The following NFATC1 variants were observed in gnomAD, a reference collection of about 807,000 sequenced individuals.
NFATC1 encodes the protein nuclear factor of activated T cells 1.
Under a neutral mutation model 76.0 loss-of-function variants are expected in NFATC1, and 22 were observed. The observed-to-expected ratio is 0.29, with a 90% CI of 0.21 to 0.41. The LOEUF is 0.41. NFATC1 is among the 10% of genes least tolerant of loss of function. NFATC1 has a pLI of 1.00. For synonymous variants in NFATC1, 704 were observed against 613.1 expected, an observed-to-expected ratio of 1.15 and a Z score of -2.19; for missense variants, 1,357 against 1,337.7, an observed-to-expected ratio of 1.01 and a Z score of -0.23.
At chr18:79,485,017 A>G (rs975167754) in intron 8 of NFATC1, among the ~76,000 whole-genome samples, 10 of 152,208 alleles carry the variant, frequency 6.6e-5, no homozygotes, top group Non-Finnish European at 1.0e-4. Context: ...GCCCGGGGCT[A>G]AATATTTTCT....
At chr18:79,427,392 TTG>T in intron 2 of NFATC1, among the ~76,000 whole-genome samples, 1 of 77,642 alleles carries the variant, frequency 1.3e-5, no homozygotes, top group Non-Finnish European at 2.3e-5. Flanking sequence ...GTGCAGTGGG[TTG>T]GGGGGAGCTG....
intron 8 of NFATC1, chr18:79,468,453 G>C (rs939329770): frequency 1.3e-5 from 2 of 152,128 alleles, no homozygotes; most frequent in Non-Finnish European, 2.9e-5. Flanking sequence ...ACTGTATTTT[G>C]GGTAAGCTTA....
rs371313217 is a variant in NFATC1, at chr18:79,490,770, A to C, written c.2782+3833A>C. On this transcript the variant is annotated intron_variant, in intron 9 of 9. Transcript: ENST00000427363. ...GGAGCATCCACCAACATGGCCGGGA[A>C]GGGTCCCGGGTCAGGGTTGAGTCTG... Among the ~76,000 whole-genome samples the C allele has an allele frequency of 1.2e-4, 19 of 152,222 alleles. No individual in the cohort carries two copies. The South Asian group carries it at 2.1e-3, about 17-fold the overall frequency.
chr18:79,423,690 G>A (rs1367086534), intron 2 of NFATC1, among the ~76,000 whole-genome samples: 10 of 152,146 alleles, frequency 6.6e-5, no homozygotes, highest in South Asian at 4.1e-4. Context: ...CAGGAGGGCC[G>A]GGCTGGGTGT....
intron 3 of NFATC1, among the ~76,000 whole-genome samples, chr18:79,445,885 G>A (rs975618537): frequency 1.6e-4 from 24 of 152,192 alleles, no homozygotes; most frequent in African/African-American, 5.1e-4. Context: ...TGAGTTCCAC[G>A]TTGAATAAAT....
intron 6 of NFATC1, among the ~76,000 whole-genome samples, chr18:79,460,614 C>A (rs562074990): frequency 6.6e-6 from 1 of 152,304 alleles, no homozygotes; most frequent in Admixed American, 6.5e-5. Context: ...CCAAAAATAC[C>A]TCGTGTTTTG....
At chr18:79,527,368 A>G (rs2090796160) in intron 9 of NFATC1, 160 bp from the exon 10 acceptor site, 6 of 616,138 alleles carry the variant, frequency 9.7e-6, no homozygotes, top group Non-Finnish European at 1.7e-5. Context: ...CTGGCTCACG[A>G]CACTCATGGA....
intron 3 of NFATC1, among the ~76,000 whole-genome samples, chr18:79,443,787 A>C (rs1011655324): frequency 9.8e-5 from 15 of 152,298 alleles, no homozygotes; most frequent in Admixed American, 7.2e-4. Flanking sequence ...TCCAGGCACA[A>C]GGCCCCTTCC....
chr18:79,413,777 C>T (rs1295983946), intron 2 of NFATC1, among the ~76,000 whole-genome samples: 1 of 152,210 alleles, frequency 6.6e-6, no homozygotes, highest in Non-Finnish European at 1.5e-5. Flanking sequence ...TTCTGGCAGG[C>T]ACAGCCCCTC....
chr18:79,454,559 G>T (rs2087606043), intron 6 of NFATC1, among the ~76,000 whole-genome samples: 1 of 152,220 alleles, frequency 6.6e-6, no homozygotes, highest in African/African-American at 2.4e-5. Flanking sequence ...CTCCAGCAGG[G>T]CAGGAGGAGG....
chr18:79,444,530 C>T (rs1370442947), intron 3 of NFATC1, among the ~76,000 whole-genome samples: 1 of 152,100 alleles, frequency 6.6e-6, no homozygotes, highest in African/African-American at 2.4e-5. Context: ...CAGGCCCTTT[C>T]CCGCATCTGA....
At position 79,486,445 on chromosome 18, in the gene NFATC1, G is replaced by T. The variant is rs145230460; in HGVS notation, c.2290G>T (p.Val764Leu). ...RSTLMPAAPG[V>L]SPKLHDLSPA... ...CACCCTGATGCCAGCGGCCCCTGGC[G>T]TGAGCCCCAAGCTCCACGACCTTTC... The change falls in exon 9 of 10, where the codon GTG becomes TTG. Residue 764 changes from valine to leucine, a missense_variant. Physicochemically the swap from Val to Leu is conservative, Grantham distance 32. Around this residue, in one of 3 missense-constraint regions of NFATC1, gnomAD observed 424 missense variants for 395.4 expected, o/e 1.07. Coordinates refer to ENST00000427363, the MANE Select transcript of NFATC1 (RefSeq NM_001278669.2). The T allele has an allele frequency of 3.2e-5, 51 of 1,611,614 alleles. No homozygotes were observed. Among genetic ancestry groups the T allele is most frequent in the African/African-American group, 4.0e-5 (3 of 74,896 alleles).
chr18:79,408,748 C>T (rs1335935286), intron 1 of NFATC1, among the ~76,000 whole-genome samples: 2 of 152,076 alleles, frequency 1.3e-5, no homozygotes, highest in Non-Finnish European at 2.9e-5. Flanking sequence ...ATCATCAAAC[C>T]ATTACTCCTC....
chr18:79,432,938 A>T (rs961367943), intron 2 of NFATC1, among the ~76,000 whole-genome samples: 12 of 152,326 alleles, frequency 7.9e-5, no homozygotes, highest in African/African-American at 2.4e-4. Context: ...CCGCCAGGTC[A>T]TGCAGCTCGT....
chr18:79,505,698 G>A (rs1389488454), intron 9 of NFATC1, among the ~76,000 whole-genome samples: 257 of 139,392 alleles, frequency 1.8e-3, no homozygotes, highest in Middle Eastern at 7.5e-3. Context: ...GGAGGAGGTG[G>A]TGCTGGAGGC....
chr18:79,438,249 G>C (rs1291766468), intron 3 of NFATC1, among the ~76,000 whole-genome samples: 1 of 152,252 alleles, frequency 6.6e-6, no homozygotes, highest in Non-Finnish European at 1.5e-5. Context: ...CCCCTCGCCA[G>C]ATGTGTTCCT....
At chr18:79,426,289 G>A (rs1170206986) in intron 2 of NFATC1, among the ~76,000 whole-genome samples, 1 of 141,510 alleles carries the variant, frequency 7.1e-6, no homozygotes, top group African/African-American at 2.9e-5. Context: ...TCTCTGTCGC[G>A]AGCTTTCGGC....
chr18:79,521,009 G>A (rs2090537279), intron 9 of NFATC1, among the ~76,000 whole-genome samples: 1 of 90,024 alleles, frequency 1.1e-5, no homozygotes, highest in Non-Finnish European at 2.2e-5. Context: ...GTGGGGGGGG[G>A]CATCCACTGA....
chr18:79,416,530 G>A (rs149087865), intron 2 of NFATC1, among the ~76,000 whole-genome samples: 76 of 152,298 alleles, frequency 5.0e-4, no homozygotes, highest in Non-Finnish European at 9.0e-4. Context: ...TCTCTAAGGC[G>A]TTGTACCGAA....
Sources: allele counts gnomAD v4.1 joint callset (sites outside exome capture counted in the v4.1 genomes callset), GRCh38; gene constraint gnomAD v4.1.1; regional missense constraint gnomAD v4.1.1; transcripts MANE v1.5; gene names NCBI Gene and HGNC (gene_info 2026-07-23, HGNC 2026-07-21).